SYNE1: variants seen among roughly 807,000 people sequenced by gnomAD.
SYNE1 encodes the protein spectrin repeat containing nuclear envelope protein 1, also known as nesprin-1.
In SYNE1, 616 loss-of-function variants were observed where a neutral mutation model predicts 1,111.0. That is an observed-to-expected ratio of 0.55 (90% CI 0.52 to 0.59). The LOEUF is 0.59. Among genes scored for constraint, SYNE1 ranks in the 20% least tolerant of loss-of-function variants. SYNE1 has a pLI of 0.00. For synonymous variants in SYNE1, 3,855 were observed against 3,825.8 expected (o/e 1.01, Z -0.28); for missense variants, 10,006 against 10,417.0 (o/e 0.96, Z 1.72).
Position 152,358,415 on chromosome 6 carries a change from T to A in SYNE1, c.10566A>T (p.Glu3522Asp). ...TTGTCTCATGAGTGTGGGCATCACC[T>A]TCAAGAACTGAATACTGGTCGAGCT... ...QEKLDQYSVL[E>D]GDAHTHETTL... is the part of the protein sequence containing the mutation. The change falls in exon 66 of 146, where the codon GAA becomes GAT. Residue 3522 changes from glutamate (E) to aspartate (D), a missense_variant. Coordinates refer to ENST00000367255, the MANE Select transcript of SYNE1 (RefSeq NM_182961.4). 6.2e-7 allele frequency: 1 copy of A among 1,614,192 alleles called. No homozygotes were observed. The highest frequency in any genetic ancestry group is 8.5e-7 in the Non-Finnish European group (1 of 1,180,026).
chr6:152,399,543 G>C, intron 48 of SYNE1, 73 bp downstream of exon 48: 1 of 1,572,018 alleles, frequency 6.4e-7, no homozygotes. Flanking sequence ...TTTGCTGGCA[G>C]TTTCTAGGCA....
At chr6:152,136,878 G>A in intron 140 of SYNE1, 60 bp from the exon 141 acceptor site, 1 of 1,576,836 alleles carries the variant, frequency 6.3e-7, no homozygotes, top group East Asian at 2.2e-5. Context: ...ATTTTCCCTT[G>A]AAAATGTTTC....
intron 110 of SYNE1, among the ~76,000 whole-genome samples, chr6:152,235,684 C>G (rs2083856090): frequency 6.6e-6 from 1 of 152,254 alleles, no homozygotes; most frequent in East Asian, 1.9e-4. Context: ...ATTTTCCAAA[C>G]TATACAATAC....
At chr6:152,601,837 T>G (rs1565115322) in intron 3 of SYNE1, among the ~76,000 whole-genome samples, 1 of 152,186 alleles carries the variant, frequency 6.6e-6, no homozygotes. Flanking sequence ...TGTCCACTCA[T>G]TACTGATTCC....
rs374083524 is a variant in SYNE1 at position 152,234,690 on chromosome 6, C to A, written c.20507G>T (p.Arg6836Leu). The A allele has an allele frequency of 1.2e-6, 2 of 1,614,196 alleles. No homozygotes were observed. The highest frequency in any genetic ancestry group is 2.7e-5 in the African/African-American group (2 of 75,040). The part of the protein sequence containing the change: ...VTVPQELEMV[R>L]DHLNAFLEFS... ...TACCAGGAAAGCATTTAGATGATCA[C>A]GGACCATTTCCAGCTCTTGTGGGAC... The change falls in exon 111 of 146, where the codon CGT becomes CTT. Residue 6836 changes from arginine (R) to leucine (L), a missense_variant. Around this residue, in one of 7 missense-constraint regions of SYNE1, gnomAD observed 2,182 missense variants for 2,287.8 expected, o/e 0.95. Transcript: ENST00000367255.
intron 138 of SYNE1, among the ~76,000 whole-genome samples, chr6:152,143,012 A>G (rs1033433893): frequency 2.0e-5 from 3 of 152,198 alleles, no homozygotes; most frequent in Non-Finnish European, 4.4e-5. Flanking sequence ...TCTAGGGAAA[A>G]TTAACTGGTC....
intron 48 of SYNE1, among the ~76,000 whole-genome samples, chr6:152,399,325 T>C (rs1316466845): frequency 6.6e-6 from 1 of 152,186 alleles, no homozygotes; most frequent in Non-Finnish European, 1.5e-5. Context: ...GCAGTGGAAG[T>C]AATTTTCCAC....
At chr6:152,315,444 C>G (rs1388529953) in intron 87 of SYNE1, 1 of 152,146 alleles carries the variant, frequency 6.6e-6, no homozygotes, top group African/African-American at 2.4e-5. Context: ...TTGTGATCCA[C>G]CCACCTCGGC....
At chr6:152,171,851 C>A (rs1213203994) in intron 130 of SYNE1, among the ~76,000 whole-genome samples, 1 of 152,144 alleles carries the variant, frequency 6.6e-6, no homozygotes, top group Non-Finnish European at 1.5e-5. Context: ...TAATAACACG[C>A]TAATAGCAAC....
intron 3 of SYNE1, among the ~76,000 whole-genome samples, chr6:152,589,064 G>A (rs1212304696): frequency 1.3e-5 from 2 of 151,532 alleles, no homozygotes; most frequent in South Asian, 2.1e-4. Context: ...ACCCCACCAC[G>A]CCCGGATCAT....
At chr6:152,468,953 T>G (rs2098788368) in intron 16 of SYNE1, among the ~76,000 whole-genome samples, 1 of 151,986 alleles carries the variant, frequency 6.6e-6, no homozygotes, top group African/African-American at 2.4e-5. Flanking sequence ...ATTTTTAAAA[T>G]TTTTTGTAGA....
chr6:152,287,353 G>C (rs907532942), intron 95 of SYNE1, among the ~76,000 whole-genome samples: 1 of 151,966 alleles, frequency 6.6e-6, no homozygotes, highest in Non-Finnish European at 1.5e-5. Flanking sequence ...CTCTGGGCTC[G>C]AATTCTGTTC....
At chr6:152,516,785 C>T (rs1480478704) in intron 6 of SYNE1, among the ~76,000 whole-genome samples, 1 of 152,004 alleles carries the variant, frequency 6.6e-6, no homozygotes, top group African/African-American at 2.4e-5. Flanking sequence ...AAGGTCTCAC[C>T]ATGTTGCCCA....
chr6:152,430,598 T>C lies in SYNE1; in HGVS notation c.4573A>G (p.Lys1525Glu), dbSNP rs1319985954. 1.2e-6 allele frequency: 2 copies of C among 1,614,148 alleles called. No individual in the cohort carries two copies. The highest frequency in any genetic ancestry group is 1.1e-5 in the South Asian group (1 of 91,080). Reference protein sequence around the residue: ...TTGESARIKAKLTQIRRYGEE... With the variant: ...TTGESARIKAELTQIRRYGEE... ...CCGTATCTTCTTATTTGTGTCAACT[T>C]GGCTTTAATTCGAGCAGATTCTCCA... The change falls in exon 35 of 146, where the codon AAG becomes GAG. Residue 1525 changes from lysine to glutamate, a missense_variant. By Grantham distance (56) the Lys-to-Glu change is moderately conservative (BLOSUM62 1). Coordinates refer to ENST00000367255, the MANE Select transcript of SYNE1 (RefSeq NM_182961.4).
At position 152,262,255 on chromosome 6, in the gene SYNE1, T is replaced by C. The variant is rs2092107321; in HGVS notation, c.18816-67A>G. On this transcript the variant is annotated intron_variant, in intron 100 of 145. Coordinates refer to ENST00000367255, the MANE Select transcript of SYNE1 (RefSeq NM_182961.4). ...AAAAGTGATAAGACAGGTAACTTATTGTGTGTACCAGACCTGGCTTCTCAA... is the reference window on the plus strand; with the variant it reads ...AAAAGTGATAAGACAGGTAACTTATCGTGTGTACCAGACCTGGCTTCTCAA... The C allele has an allele frequency of 5.6e-6, 8 of 1,420,080 alleles. No homozygotes were observed. In the Admixed American group the frequency reaches 8.4e-5, roughly 15 times the overall value. The allele number at this position is 1,420,080 out of a possible 1,614,324, so 88.0% of individuals were successfully genotyped here.
chr6:152,339,496 T>C, intron 74 of SYNE1, 130 bp from the exon 75 acceptor site: 1 of 1,331,182 alleles, frequency 7.5e-7, no homozygotes, highest in Non-Finnish European at 1.0e-6. Flanking sequence ...CACCATTGTG[T>C]TCAAGTGACA....
chr6:152,472,727 T>C (rs1048986869), intron 14 of SYNE1: 4 of 666,076 alleles, frequency 6.0e-6, no homozygotes, highest in East Asian at 2.7e-5. Flanking sequence ...TGCTATGAAA[T>C]GATTTTAGTA....
At chr6:152,553,367 A>T (rs1595230453) in intron 3 of SYNE1, among the ~76,000 whole-genome samples, 1 of 152,210 alleles carries the variant, frequency 6.6e-6, no homozygotes, top group African/African-American at 2.4e-5. Context: ...CTCACAGATG[A>T]GGAAACCGTG....
At chr6:152,510,121 T>C in intron 8 of SYNE1, 72 bp downstream of exon 8, 2 of 1,442,436 alleles carry the variant, frequency 1.4e-6, no homozygotes, top group Non-Finnish European at 1.9e-6. Context: ...TCGCAATCAT[T>C]AGAAGTTGCA....
Sources: gnomAD v4.1 joint callset for allele counts (sites outside exome capture counted in the v4.1 genomes callset) on GRCh38, gnomAD v4.1.1 for gene constraint, gnomAD v4.1.1 regional missense constraint, MANE v1.5 for transcripts, NCBI Gene and HGNC (gene_info 2026-07-23, HGNC 2026-07-21) for gene names.